The following RCSD1 variants were observed in gnomAD, a reference collection of about 807,000 sequenced individuals.
RCSD1 encodes capZ-interacting protein.
Under a neutral mutation model 42.5 loss-of-function variants are expected in RCSD1, and 26 were observed. The ratio of observed to expected loss-of-function variants is 0.61; its 90% CI spans 0.45 to 0.85. The LOEUF is 0.85. RCSD1 is among the 40% of genes least tolerant of loss of function. RCSD1 has a pLI of 0.00. For synonymous variants in RCSD1, 220 were observed against 212.2 expected (o/e 1.04, Z -0.32); for missense variants, 571 against 528.3 (o/e 1.08, Z -0.79).
At chr1:167,661,723 A>T (rs565851189) in intron 1 of RCSD1, among the ~76,000 whole-genome samples, 1 of 152,254 alleles carries the variant, frequency 6.6e-6, no homozygotes, top group Non-Finnish European at 1.5e-5. Context: ...CTTGTGAGTC[A>T]TCTGCCCAAA....
At chr1:167,678,583 C>T (rs1344692122) in intron 1 of RCSD1, among the ~76,000 whole-genome samples, 1 of 152,188 alleles carries the variant, frequency 6.6e-6, no homozygotes, top group African/African-American at 2.4e-5. Flanking sequence ...CGCACCCAAT[C>T]TCAGCTGGAC....
At chr1:167,650,091 G>A (rs753338175) in intron 1 of RCSD1, among the ~76,000 whole-genome samples, 11 of 152,186 alleles carry the variant, frequency 7.2e-5, no homozygotes, top group Non-Finnish European at 1.3e-4. Flanking sequence ...CACAAGATTT[G>A]GGGGCCTCAC....
chr1:167,657,611 T>C (rs1312093144), intron 1 of RCSD1, among the ~76,000 whole-genome samples: 1 of 152,028 alleles, frequency 6.6e-6, no homozygotes, highest in Non-Finnish European at 1.5e-5. Flanking sequence ...ACCTCCTTCC[T>C]CCCCTCCCCT....
At chr1:167,676,122 T>G (rs1658945979) in intron 1 of RCSD1, among the ~76,000 whole-genome samples, 1 of 152,202 alleles carries the variant, frequency 6.6e-6, no homozygotes, top group Admixed American at 6.5e-5. Flanking sequence ...ACTATCATCA[T>G]CATTCCGTTT....
chr1:167,692,085 CACA>C (rs138889950), intron 4 of RCSD1, among the ~76,000 whole-genome samples: 1,733 of 152,214 alleles, frequency 0.011, 31 homozygotes, highest in African/African-American at 0.04. Context: ...TTTGGGGAAA[CACA>C]ACAACTTGAG....
At chr1:167,642,793 A>G (rs189697249) in intron 1 of RCSD1, among the ~76,000 whole-genome samples, 190 of 152,284 alleles carry the variant, frequency 1.2e-3, no homozygotes, top group Non-Finnish European at 1.7e-3. Context: ...ACTTAGAATC[A>G]CCATTCTTTC....
chr1:167,686,046 G>C (rs1203811651), intron 3 of RCSD1, among the ~76,000 whole-genome samples: 1 of 152,144 alleles, frequency 6.6e-6, no homozygotes, highest in Non-Finnish European at 1.5e-5. Context: ...AATAGCCAAC[G>C]TTACCAACAT....
intron 1 of RCSD1, chr1:167,663,397 C>A (rs781471731): frequency 2.9e-5 from 4 of 137,294 alleles, no homozygotes; most frequent in Non-Finnish European, 6.6e-5. Flanking sequence ...TCATACCATA[C>A]GCCTGGGTAA....
In RCSD1 at chr1:167,675,919, G is replaced by A. The variant is rs557588581; in HGVS notation, c.7-7981G>A. ...CTTCTGTATCCAAGATGGGATGGAAGGACAGGAGAAGATTAGACATCTAGG... is the reference window on the plus strand; with the variant it reads ...CTTCTGTATCCAAGATGGGATGGAAAGACAGGAGAAGATTAGACATCTAGG... On this transcript the variant is annotated intron_variant, in intron 1 of 6. Transcript: ENST00000367854. Among the ~76,000 whole-genome samples, 3 of 152,206 alleles carry A rather than the reference G, an allele frequency of 2.0e-5. No individual in the cohort carries two copies. In the South Asian group the frequency reaches 6.2e-4, roughly 32 times the overall value.
chr1:167,691,233 T>C (rs1659369370), intron 4 of RCSD1, among the ~76,000 whole-genome samples: 3 of 152,166 alleles, frequency 2.0e-5, no homozygotes, highest in Admixed American at 6.5e-5. Flanking sequence ...CTCTAGACAT[T>C]GTCAATGTCC....
chr1:167,706,578 G>A lies in RCSD1; in HGVS notation c.*1882G>A, dbSNP rs2101729915. Among the ~76,000 whole-genome samples the A allele has an allele frequency of 1.3e-5, 2 of 152,290 alleles. No individual in the cohort carries two copies. Among genetic ancestry groups the A allele is most frequent in the South Asian group, 4.1e-4 (2 of 4,820 alleles). On this transcript the variant is annotated 3_prime_UTR_variant, in exon 7 of 7. Transcript: ENST00000367854. ...GGTCTAAACATAGTAGCAGACGAGA[G>A]AGGGGCAGTAAAAATGACAAGAATG...
chr1:167,687,213 G>A (rs1484878994), intron 3 of RCSD1, among the ~76,000 whole-genome samples: 1 of 152,208 alleles, frequency 6.6e-6, no homozygotes, highest in Non-Finnish European at 1.5e-5. Context: ...AGGGATCAAT[G>A]ACTTTTCGTG....
intron 1 of RCSD1, among the ~76,000 whole-genome samples, chr1:167,674,366 G>T (rs923960623): frequency 1.3e-5 from 2 of 152,208 alleles, no homozygotes; most frequent in Admixed American, 6.5e-5. Flanking sequence ...GGGAAGGAAA[G>T]TCACGAACAT....
At chr1:167,698,324 C>T (rs1371432362) in intron 6 of RCSD1, among the ~76,000 whole-genome samples, 1 of 152,212 alleles carries the variant, frequency 6.6e-6, no homozygotes, top group Non-Finnish European at 1.5e-5. Flanking sequence ...GGGGCATTCC[C>T]AGGGAAGCCC....
chr1:167,686,186 C>G (rs954416742), intron 3 of RCSD1, among the ~76,000 whole-genome samples: 9 of 152,180 alleles, frequency 5.9e-5, no homozygotes, highest in Non-Finnish European at 1.3e-4. Flanking sequence ...ACCCATGAAC[C>G]TTCACTGTGG....
intron 1 of RCSD1, among the ~76,000 whole-genome samples, chr1:167,662,094 G>C (rs1476966274): frequency 6.6e-6 from 1 of 152,178 alleles, no homozygotes; most frequent in Non-Finnish European, 1.5e-5. Flanking sequence ...AGCTTCCCTA[G>C]ATGACCCATT....
intron 1 of RCSD1, among the ~76,000 whole-genome samples, chr1:167,637,683 C>G (rs1657894342): frequency 6.6e-6 from 1 of 152,080 alleles, no homozygotes; most frequent in Non-Finnish European, 1.5e-5. Flanking sequence ...AAAAGCCACC[C>G]CAAGTCCTCC....
rs76797029 is a variant in RCSD1 at position 167,638,939 on chromosome 1, C to T, written c.6+8510C>T. On this transcript the variant is annotated intron_variant, in intron 1 of 6. Coordinates refer to ENST00000367854, the MANE Select transcript of RCSD1 (RefSeq NM_052862.4). The stretch of plus-strand genomic sequence containing the variant: ...CAAGAGTTAAAACCAAGGTCCTGGT[C>T]GGGGGCGGTGGCTTATGCCTGTAAT... Among the ~76,000 whole-genome samples, 609 of 152,218 alleles carry T rather than the reference C, an allele frequency of 4.0e-3. 1 individual carries two copies. Among genetic ancestry groups the T allele is most frequent in the African/African-American group, 0.014 (571 of 41,538 alleles).
At chr1:167,657,162 A>G (rs944109064) in intron 1 of RCSD1, among the ~76,000 whole-genome samples, 3 of 152,236 alleles carry the variant, frequency 2.0e-5, no homozygotes, top group Non-Finnish European at 4.4e-5. Flanking sequence ...CACTCAATCT[A>G]TAGATGTTGA....
Sources: gnomAD v4.1 joint callset for allele counts (sites outside exome capture counted in the v4.1 genomes callset) on GRCh38, gnomAD v4.1.1 for gene constraint, MANE v1.5 for transcripts, NCBI Gene and HGNC (gene_info 2026-07-23, HGNC 2026-07-21) for gene names.